Variants in CFAP58 observed in about 807,000 individuals in gnomAD.
CFAP58 encodes the protein cilia- and flagella-associated protein 58.
In CFAP58, 88 loss-of-function variants were observed where a neutral mutation model predicts 119.5. The observed-to-expected ratio is 0.74, with a 90% CI of 0.62 to 0.88. The LOEUF (loss-of-function observed/expected upper bound fraction) is 0.88, where lower values mean the gene tolerates loss of function less well. Ranked by LOEUF, CFAP58 falls within the 40% of genes least tolerant of loss-of-function variation. CFAP58 has a pLI of 0.00. For missense variants in CFAP58, 990 were observed against 1,021.2 expected (o/e 0.97, Z 0.42); for synonymous variants, 365 against 366.3 (o/e 1.00, Z 0.04).
chr10:104,363,841 A>G (rs2014704513), intron 3 of CFAP58, among the ~76,000 whole-genome samples: 1 of 152,240 alleles, frequency 6.6e-6, no homozygotes, highest in African/African-American at 2.4e-5. Flanking sequence ...AAGAGTCTGC[A>G]GTGCAAGTTC....
intron 15 of CFAP58, among the ~76,000 whole-genome samples, chr10:104,444,538 C>T (rs1014724899): frequency 3.3e-5 from 5 of 152,226 alleles, no homozygotes; most frequent in South Asian, 2.1e-4. Flanking sequence ...TAGAGGATTA[C>T]GAGAGAAATA....
At chr10:104,343,067 G>A in the CFAP58 span, among the ~76,000 whole-genome samples, 1 of 152,118 alleles carries the variant, frequency 6.6e-6, no homozygotes, top group African/African-American at 2.4e-5. Flanking sequence ...TTAAGCATCT[G>A]ATGGAGGGGA....
At chr10:104,395,099 G>A (rs958822062) in intron 11 of CFAP58, among the ~76,000 whole-genome samples, 5 of 152,238 alleles carry the variant, frequency 3.3e-5, no homozygotes, top group African/African-American at 4.8e-5. Flanking sequence ...AACTAATGTC[G>A]TTCTACAAAA....
At position 104,357,726 on chromosome 10, in the gene CFAP58, CAT is replaced by C. The variant is rs373076175; in HGVS notation, c.10-604_10-603del. On this transcript the variant is annotated intron_variant, in intron 1 of 17. Coordinates refer to ENST00000369704, the MANE Select transcript of CFAP58 (RefSeq NM_001008723.2). ...TATATTCTGCATATATATCCCAATG[CAT>C]ATATATATATGTAATGTGTATAAAT... 2.4e-3 allele frequency among the ~76,000 whole-genome samples: 361 copies of C among 150,552 alleles called. 2 individuals are homozygous for C. The highest frequency in any genetic ancestry group is 6.5e-3 in the African/African-American group (267 of 40,966).
chr10:104,368,365 T>C, intron 5 of CFAP58, 58 bp from the exon 6 acceptor site: 4 of 1,576,956 alleles, frequency 2.5e-6, no homozygotes, highest in Non-Finnish European at 3.5e-6. Flanking sequence ...CCTGTGTGTA[T>C]ATCCAACTAT....
intron 14 of CFAP58, among the ~76,000 whole-genome samples, chr10:104,406,162 A>G (rs1452495971): frequency 1.3e-5 from 2 of 152,240 alleles, no homozygotes; most frequent in Non-Finnish European, 2.9e-5. Flanking sequence ...GGTAAGCCTC[A>G]GAGCATAGGA....
At chr10:104,439,882 C>T (rs1265624213) in intron 15 of CFAP58, among the ~76,000 whole-genome samples, 3 of 152,140 alleles carry the variant, frequency 2.0e-5, no homozygotes, top group East Asian at 3.8e-4. Flanking sequence ...TGCAGTGGCG[C>T]GATCTCGGCT....
chr10:104,384,332 T>C (rs1318874434), intron 9 of CFAP58, among the ~76,000 whole-genome samples: 1 of 152,190 alleles, frequency 6.6e-6, no homozygotes. Context: ...TTTCCAGCTG[T>C]AGATTTGAAA....
At chr10:104,381,893 A>AC (rs2011817210) in intron 9 of CFAP58, among the ~76,000 whole-genome samples, 1 of 152,192 alleles carries the variant, frequency 6.6e-6, no homozygotes, top group Non-Finnish European at 1.5e-5. Flanking sequence ...CTTCTGACTT[A>AC]ACCATCTTAG....
intron 15 of CFAP58, among the ~76,000 whole-genome samples, chr10:104,414,090 C>T (rs914984040): frequency 3.9e-5 from 6 of 152,118 alleles, no homozygotes; most frequent in African/African-American, 7.2e-5. Flanking sequence ...GATTGCAGCA[C>T]GTGGTGGGCT....
chr10:104,446,978 T>C (rs2013120148), intron 15 of CFAP58, among the ~76,000 whole-genome samples: 1 of 152,056 alleles, frequency 6.6e-6, no homozygotes, highest in Non-Finnish European at 1.5e-5. Flanking sequence ...CCTCAAGACA[T>C]TTTCAGATTT....
chr10:104,427,378 G>A (rs1467298129), intron 15 of CFAP58, among the ~76,000 whole-genome samples: 1 of 152,126 alleles, frequency 6.6e-6, no homozygotes, highest in Non-Finnish European at 1.5e-5. Flanking sequence ...TCTTAATCTA[G>A]TGAGAGGCAA....
At chr10:104,342,441 A>T in the CFAP58 span, among the ~76,000 whole-genome samples, 1 of 152,062 alleles carries the variant, frequency 6.6e-6, no homozygotes, top group Non-Finnish European at 1.5e-5. Flanking sequence ...CCAGTTTTCT[A>T]TTGGCTTGTT....
At chr10:104,368,367 T>C in intron 5 of CFAP58, 56 bp from the exon 6 acceptor site, 1 of 1,581,364 alleles carries the variant, frequency 6.3e-7, no homozygotes, top group Non-Finnish European at 8.6e-7. Context: ...TGTGTGTATA[T>C]CCAACTATTG....
In CFAP58 at chr10:104,399,349, C is replaced by T; in HGVS notation, c.1675-11C>T. 6.2e-7 allele frequency: 1 copy of T among 1,613,114 alleles called. No individual in the cohort carries two copies. The highest frequency in any genetic ancestry group is 8.5e-7 in the Non-Finnish European group (1 of 1,179,510). ...AATTGAAATTTGCCTGTATCTTCCA[C>T]TCTTTGTCAGGCTGAGCTGCAGAAG... On this transcript the variant is annotated splice_polypyrimidine_tract_variant and intron_variant, in intron 11 of 17. Coordinates refer to ENST00000369704, the MANE Select transcript of CFAP58 (RefSeq NM_001008723.2).
chr10:104,407,452 G>A (rs968255019), intron 15 of CFAP58, among the ~76,000 whole-genome samples: 4 of 152,182 alleles, frequency 2.6e-5, no homozygotes, highest in Non-Finnish European at 4.4e-5. Flanking sequence ...CAGCGCCCAC[G>A]AGTTTAGTGT....
At position 104,398,083 on chromosome 10, in the gene CFAP58, C is replaced by G. The variant is rs1182892699; in HGVS notation, c.1675-1277C>G. 2.6e-5 allele frequency among the ~76,000 whole-genome samples: 4 copies of G among 152,352 alleles called. No individual in the cohort carries two copies. The East Asian group carries it at 5.8e-4, about 22-fold the overall frequency. ...GTTGAATGCCCTGCTCTAACACATA[C>G]CCTTCCATGTTGGCAATATCTGTCA... On this transcript the variant is annotated intron_variant, in intron 11 of 17. Coordinates refer to ENST00000369704, the MANE Select transcript of CFAP58 (RefSeq NM_001008723.2).
chr10:104,367,773 A>G (rs1277756548), intron 5 of CFAP58, among the ~76,000 whole-genome samples: 1 of 152,154 alleles, frequency 6.6e-6, no homozygotes, highest in Non-Finnish European at 1.5e-5. Flanking sequence ...CCTCCTCAAT[A>G]TTCCCCCAAT....
At position 104,403,767 on chromosome 10, in the gene CFAP58, A is replaced by G. The variant is rs760323394; in HGVS notation, c.2078A>G (p.Glu693Gly). ...CACATGCAAAGAGAATTGTTGAAGGAGAGGACACGCTGCCGAGCCCTGGAG... is the reference window on the plus strand; with the variant it reads ...CACATGCAAAGAGAATTGTTGAAGGGGAGGACACGCTGCCGAGCCCTGGAG... ...FFHMQRELLK[E>G]RTRCRALEEE... The change falls in exon 14 of 18, where the codon GAG becomes GGG. Residue 693 changes from glutamate to glycine, a missense_variant. Coordinates refer to ENST00000369704, the MANE Select transcript of CFAP58 (RefSeq NM_001008723.2). 4 of 1,612,562 alleles carry G rather than the reference A, an allele frequency of 2.5e-6. No homozygotes were observed. Among genetic ancestry groups the G allele is most frequent in the Non-Finnish European group, 2.5e-6 (3 of 1,179,540 alleles).
Sources: gnomAD v4.1 joint callset for allele counts (sites outside exome capture counted in the v4.1 genomes callset) on GRCh38, gnomAD v4.1.1 for gene constraint, MANE v1.5 for transcripts, NCBI Gene and HGNC (gene_info 2026-07-23, HGNC 2026-07-21) for gene names.